The following CSNK1G3 variants were observed in gnomAD, a reference collection of about 807,000 sequenced individuals.
CSNK1G3 encodes casein kinase I isoform gamma-3.
Under a neutral mutation model 64.3 loss-of-function variants are expected in CSNK1G3, and 23 were observed. The ratio of observed to expected loss-of-function variants is 0.36; its 90% CI spans 0.26 to 0.51. The LOEUF (loss-of-function observed/expected upper bound fraction) is 0.51, where lower values mean the gene tolerates loss of function less well. Ranked by LOEUF, CSNK1G3 falls within the 20% of genes least tolerant of loss-of-function variation. The probability of loss-of-function intolerance (pLI) is 0.96; values close to 1 mark genes in which losing one functional copy is unlikely to be tolerated. For synonymous variants in CSNK1G3, 158 were observed against 162.2 expected, an observed-to-expected ratio of 0.97 and a Z score of 0.20; for missense variants, 357 against 510.5, an observed-to-expected ratio of 0.70 and a Z score of 2.90.
chr5:123,542,298 A>G (rs747651851), intron 1 of CSNK1G3, among the ~76,000 whole-genome samples: 1 of 152,178 alleles, frequency 6.6e-6, no homozygotes, highest in Non-Finnish European at 1.5e-5. Flanking sequence ...CGTTCCATTT[A>G]CAACTCCCCC....
chr5:123,574,980 A>T (rs1028859691), intron 5 of CSNK1G3, among the ~76,000 whole-genome samples: 4 of 152,220 alleles, frequency 2.6e-5, no homozygotes, highest in African/African-American at 7.2e-5. Flanking sequence ...ACAAACTAGA[A>T]TGGCCTGTGT....
At chr5:123,611,533 A>T (rs1015567542) in intron 12 of CSNK1G3, among the ~76,000 whole-genome samples, 1 of 152,198 alleles carries the variant, frequency 6.6e-6, no homozygotes, top group Non-Finnish European at 1.5e-5. Flanking sequence ...AACTCTCAGA[A>T]CTCAACTCTC....
At chr5:123,541,234 T>C (rs182329589) in intron 1 of CSNK1G3, among the ~76,000 whole-genome samples, 1 of 152,348 alleles carries the variant, frequency 6.6e-6, no homozygotes, top group East Asian at 1.9e-4. Flanking sequence ...TTCATATTTA[T>C]GGTTTTTATG....
chr5:123,595,558 G>T (rs1246604443), intron 10 of CSNK1G3, among the ~76,000 whole-genome samples: 1 of 151,756 alleles, frequency 6.6e-6, no homozygotes, highest in East Asian at 1.9e-4. Context: ...TTCATCCTTA[G>T]TACTCAGAAT....
intron 6 of CSNK1G3, among the ~76,000 whole-genome samples, chr5:123,586,262 G>C (rs1791307104): frequency 6.6e-6 from 1 of 152,266 alleles, no homozygotes; most frequent in African/African-American, 2.4e-5. Flanking sequence ...ATGGTATTGT[G>C]GGGGTTGGGG....
chr5:123,521,794 A>C (rs1440449125), intron 1 of CSNK1G3, among the ~76,000 whole-genome samples: 2 of 152,012 alleles, frequency 1.3e-5, no homozygotes, highest in Non-Finnish European at 2.9e-5. Flanking sequence ...GGAGGGAAGG[A>C]TTTGTGGAGA....
At chr5:123,530,308 A>C (rs1304987450) in intron 1 of CSNK1G3, among the ~76,000 whole-genome samples, 1 of 152,186 alleles carries the variant, frequency 6.6e-6, no homozygotes, top group Non-Finnish European at 1.5e-5. Flanking sequence ...TTAGACTTCC[A>C]GTAATATTTA....
intron 1 of CSNK1G3, among the ~76,000 whole-genome samples, chr5:123,523,037 T>G (rs1778407308): frequency 1.3e-5 from 2 of 152,284 alleles, no homozygotes; most frequent in South Asian, 2.1e-4. Context: ...TAATAAAAAG[T>G]TATTCATTTT....
chr5:123,551,823 T>C (rs1282064229), intron 2 of CSNK1G3, among the ~76,000 whole-genome samples: 4 of 152,204 alleles, frequency 2.6e-5, no homozygotes, highest in African/African-American at 9.6e-5. Context: ...ATTGTTTTGT[T>C]TTCCTCACTA....
chr5:123,612,783 T>C (rs1410451820), intron 12 of CSNK1G3, among the ~76,000 whole-genome samples: 1 of 152,214 alleles, frequency 6.6e-6, no homozygotes, highest in Non-Finnish European at 1.5e-5. Context: ...GCCAAAACTA[T>C]TCTTCTATGA....
At chr5:123,612,202 C>T (rs747761224) in intron 12 of CSNK1G3, among the ~76,000 whole-genome samples, 5 of 152,102 alleles carry the variant, frequency 3.3e-5, no homozygotes, top group Non-Finnish European at 2.9e-5. Context: ...TATTTACATT[C>T]CACGGTCTAG....
chr5:123,593,202 TACACACAC>T (rs1554081831), intron 10 of CSNK1G3, among the ~76,000 whole-genome samples: 6 of 146,846 alleles, frequency 4.1e-5, no homozygotes, highest in Non-Finnish European at 9.0e-5. Context: ...TGTGTATATA[TACACACAC>T]ACACACACAC....
chr5:123,567,146 C>T (rs1036675405), intron 4 of CSNK1G3, among the ~76,000 whole-genome samples: 4 of 152,198 alleles, frequency 2.6e-5, no homozygotes, highest in African/African-American at 7.2e-5. Context: ...TCTTTTGAGA[C>T]TCATTCACTA....
At chr5:123,592,080 A>G (rs538452996) in intron 10 of CSNK1G3, among the ~76,000 whole-genome samples, 5 of 152,182 alleles carry the variant, frequency 3.3e-5, no homozygotes, top group South Asian at 4.1e-4. Flanking sequence ...AGAATAAGCT[A>G]TATTACATGA....
At position 123,575,720 on chromosome 5, in the gene CSNK1G3, TAAACCAAGA is replaced by T; in HGVS notation, c.439-8_439del. 6.3e-7 allele frequency: 1 copy of T among 1,594,736 alleles called. No homozygotes were observed. Among genetic ancestry groups the T allele is most frequent in the African/African-American group, 1.3e-5 (1 of 74,348 alleles). On this transcript the variant is annotated splice_acceptor_variant and splice_polypyrimidine_tract_variant and coding_sequence_variant and intron_variant, in exon 6 of 13. Coordinates refer to ENST00000345990, the Ensembl canonical transcript of CSNK1G3. LOFTEE classifies it high-confidence loss of function. ...AATAAAACTTCTCTTCTTTTTTTCT[TAAACCAAGA>T]TTTCTCGCATGGAATATGTCCATTC... is the stretch of plus-strand genomic sequence containing the variant.
intron 3 of CSNK1G3, among the ~76,000 whole-genome samples, chr5:123,556,291 C>T (rs998408146): frequency 9.2e-5 from 14 of 152,080 alleles, no homozygotes; most frequent in African/African-American, 3.4e-4. Flanking sequence ...GTTTGGGATT[C>T]ACATTCCTCT....
chr5:123,586,875 G>A (rs1791422642), intron 6 of CSNK1G3, among the ~76,000 whole-genome samples: 1 of 152,190 alleles, frequency 6.6e-6, no homozygotes, highest in African/African-American at 2.4e-5. Context: ...TGGCTGGGGA[G>A]GCCTCACAGT....
chr5:123,521,129 A>C (rs539070362), intron 1 of CSNK1G3, among the ~76,000 whole-genome samples: 1 of 152,140 alleles, frequency 6.6e-6, no homozygotes, highest in Admixed American at 6.5e-5. Flanking sequence ...AGTAGGTGTC[A>C]GTTTTAGATG....
At chr5:123,544,173 C>T (rs1001841794) in intron 1 of CSNK1G3, among the ~76,000 whole-genome samples, 2 of 152,276 alleles carry the variant, frequency 1.3e-5, no homozygotes, top group Admixed American at 6.5e-5. Flanking sequence ...TGCACATAGC[C>T]CTCTCCAGCA....
Sources: gnomAD v4.1 joint callset for allele counts (sites outside exome capture counted in the v4.1 genomes callset) on GRCh38, gnomAD v4.1.1 for gene constraint, MANE v1.5 for transcripts, NCBI Gene and HGNC (gene_info 2026-07-23, HGNC 2026-07-21) for gene names.